ARHGEF18: variants seen among roughly 807,000 people sequenced by gnomAD.
ARHGEF18 encodes rho guanine nucleotide exchange factor 18.
In ARHGEF18, 93 loss-of-function variants were observed where a neutral mutation model predicts 155.7. That is an observed-to-expected ratio of 0.60 (90% confidence interval 0.50 to 0.71). ARHGEF18 has a LOEUF of 0.71. Among genes scored for constraint, ARHGEF18 ranks in the 30% least tolerant of loss-of-function variants. The probability of loss-of-function intolerance (pLI) is 0.00; values close to 1 mark genes in which losing one functional copy is unlikely to be tolerated. For missense variants in ARHGEF18, 1,593 were observed against 1,816.1 expected (o/e 0.88, Z 2.23); for synonymous variants, 742 against 753.1 (o/e 0.99, Z 0.24).
At chr19:7,377,901 A>G (rs973465910) in intron 5 of ARHGEF18, among the ~76,000 whole-genome samples, 2 of 152,096 alleles carry the variant, frequency 1.3e-5, no homozygotes, top group African/African-American at 4.8e-5. Flanking sequence ...CCTGGCCAAC[A>G]TGGTGAAACC....
At chr19:7,478,447 C>T in the ARHGEF18 span, 20 of 1,487,066 alleles carry the variant, frequency 1.3e-5, no homozygotes, top group East Asian at 1.4e-4. Context: ...ACGCTGGCCC[C>T]GGACATACAG....
In ARHGEF18 at chr19:7,362,062, A is replaced by G. The variant is rs868095633; in HGVS notation, c.-110-719A>G. On this transcript the variant is annotated intron_variant, in intron 1 of 28. Coordinates refer to ENST00000668164, the MANE Select transcript of ARHGEF18 (RefSeq NM_001367823.1). ...GAAGGAGAAGGAGAAGGAGAAGGAG[A>G]AGGAGAAGGAGAAGGAGAAGGAGAA... Among the ~76,000 whole-genome samples, 63 of 33,746 alleles carry G rather than the reference A, an allele frequency of 1.9e-3. 2 individuals are homozygous for G. In the East Asian group the frequency reaches 0.019, roughly 10 times the overall value. 22.1% of individuals were successfully genotyped at this position (33,746 alleles called of 152,430 possible). A position where few individuals can be genotyped will look rare whatever the true frequency, so the allele number is the denominator to read the frequency against.
At chr19:7,424,088 G>A (rs1344948787) in intron 10 of ARHGEF18, among the ~76,000 whole-genome samples, 1 of 152,040 alleles carries the variant, frequency 6.6e-6, no homozygotes, top group Non-Finnish European at 1.5e-5. Flanking sequence ...GTGCAATGGC[G>A]TGATCTCGGC....
Position 7,437,792 on chromosome 19 carries a change from C to T in ARHGEF18, c.968-2552C>T, listed in dbSNP as rs571229913. ...CCGAGTAGCTGGGATTACAGGTGCC[C>T]GCCACCATGCCCAGCTAATTTTGTA... On this transcript the variant is annotated intron_variant, in intron 10 of 28. Transcript: ENST00000668164. Among the ~76,000 whole-genome samples, 1,248 of 150,916 alleles carry T rather than the reference C, an allele frequency of 8.3e-3. 22 individuals carry two copies. Among genetic ancestry groups the T allele is most frequent in the African/African-American group, 0.029 (1,203 of 41,126 alleles).
intron 15 of ARHGEF18, 96 bp from the exon 16 acceptor site, chr19:7,451,053 A>G (rs1600492205): frequency 8.9e-7 from 1 of 1,124,656 alleles, no homozygotes; most frequent in East Asian, 2.4e-5. Flanking sequence ...CGAGATGTTA[A>G]TGCGGGATCT....
chr19:7,467,669 C>T lies in ARHGEF18; in HGVS notation c.3465C>T (p.Pro1155=), dbSNP rs1272502220. Residue 1155 remains proline (P), a synonymous_variant, in exon 26 of 29, where the codon CCC becomes CCT. Transcript: ENST00000668164. The part of the protein sequence containing the change: ...KQNTAPGALP[P]DTLAEAQPPS... ...ACACCGCGCCAGGCGCGCTGCCGCC[C>T]GACACACTGGCCGAGGTGAGCGCGC... 8.0e-6 allele frequency: 12 copies of T among 1,508,802 alleles called. No homozygotes were observed. Among genetic ancestry groups the T allele is most frequent in the East Asian group, 5.2e-5 (2 of 38,542 alleles). 93.5% of individuals were successfully genotyped at this position (1,508,802 alleles called of 1,614,324 possible).
At chr19:7,460,437 G>A (rs912676830) in intron 20 of ARHGEF18, among the ~76,000 whole-genome samples, 2 of 152,048 alleles carry the variant, frequency 1.3e-5, no homozygotes, top group South Asian at 2.1e-4. Flanking sequence ...CCTCCCAAGC[G>A]TGGGGTTCAG....
rs1600531820 is a variant in ARHGEF18 at position 7,462,483 on chromosome 19, A to C, written c.2635+149A>C. 1.0e-6 allele frequency: 1 copy of C among 993,992 alleles called. No individual in the cohort carries two copies. Among genetic ancestry groups the C allele is most frequent in the Non-Finnish European group, 1.4e-6 (1 of 702,784 alleles). The allele number at this position is 993,992 out of a possible 1,614,324, so 61.6% of individuals were successfully genotyped here. A position where few individuals can be genotyped will look rare whatever the true frequency, so the allele number is the denominator to read the frequency against. On this transcript the variant is annotated intron_variant, in intron 21 of 28. Coordinates refer to ENST00000668164, the MANE Select transcript of ARHGEF18 (RefSeq NM_001367823.1). This position sits in a 1 kb window ranked among gnomAD's most constrained non-coding sequence, Gnocchi z 4.4. ...TGGGGGGGGCCCAGGAGCAGCACTG[A>C]CCGCCCCCCGGTGCCTGTGAGAGCC... is the stretch of plus-strand genomic sequence containing the variant.
At chr19:7,375,141 A>T (rs1398420851) in intron 3 of ARHGEF18, among the ~76,000 whole-genome samples, 2 of 151,890 alleles carry the variant, frequency 1.3e-5, no homozygotes. Flanking sequence ...GCATGGTGGC[A>T]CGTGCCTGTA....
chr19:7,412,102 C>T (rs553242206), intron 10 of ARHGEF18, among the ~76,000 whole-genome samples: 2 of 150,676 alleles, frequency 1.3e-5, no homozygotes, highest in East Asian at 4.0e-4. Context: ...GTGGCGTGAT[C>T]TTGGCTCACT....
chr19:7,404,908 G>C (rs1438289921), intron 10 of ARHGEF18, among the ~76,000 whole-genome samples: 1 of 152,046 alleles, frequency 6.6e-6, no homozygotes, highest in African/African-American at 2.4e-5. Flanking sequence ...AGGATGCAAA[G>C]TGTTACCAAA....
chr19:7,385,258 AGC>A (rs1408855841), intron 10 of ARHGEF18, among the ~76,000 whole-genome samples: 31 of 152,100 alleles, frequency 2.0e-4, no homozygotes, highest in African/African-American at 7.2e-4. Flanking sequence ...CTCCAGGCTG[AGC>A]TGAACCATGC....
At chr19:7,435,199 C>CAA (rs572479060) in intron 10 of ARHGEF18, among the ~76,000 whole-genome samples, 5 of 143,434 alleles carry the variant, frequency 3.5e-5, no homozygotes, top group South Asian at 2.2e-4. Flanking sequence ...GACTCCATCT[C>CAA]AAAAAAAAAA....
intron 7 of ARHGEF18, 27 bp downstream of exon 7, chr19:7,379,193 GGGGAGCAAAGT>G (rs1166019439): frequency 8.1e-7 from 1 of 1,232,042 alleles, no homozygotes; most frequent in Non-Finnish European, 1.0e-6. Context: ...ACAGGCTTGA[GGGGAGCAAAGT>G]GGGAGACAAA....
chr19:7,424,535 CTA>C (rs1161294518), intron 10 of ARHGEF18, among the ~76,000 whole-genome samples: 1 of 152,170 alleles, frequency 6.6e-6, no homozygotes, highest in Non-Finnish European at 1.5e-5. Context: ...CTTACAAAGT[CTA>C]TAGCAACGTG....
intron 10 of ARHGEF18, among the ~76,000 whole-genome samples, chr19:7,417,804 A>C (rs547166964): frequency 9.9e-5 from 15 of 152,268 alleles, no homozygotes; most frequent in East Asian, 7.7e-4. Context: ...GGGTGGAGCC[A>C]GGTGGCCCAG....
intron 20 of ARHGEF18, among the ~76,000 whole-genome samples, chr19:7,460,541 G>T (rs1976157513): frequency 6.7e-6 from 1 of 148,918 alleles, no homozygotes; most frequent in Non-Finnish European, 1.5e-5. Flanking sequence ...CCCCTTAACA[G>T]TCACTCCCCA....
intron 10 of ARHGEF18, among the ~76,000 whole-genome samples, chr19:7,404,888 G>A (rs945859670): frequency 7.9e-5 from 12 of 152,102 alleles, no homozygotes; most frequent in African/African-American, 2.9e-4. Flanking sequence ...ATGGGCACAC[G>A]TACAATAATA....
chr19:7,355,328 G>A (rs142166543), intron 1 of ARHGEF18, among the ~76,000 whole-genome samples: 178 of 151,972 alleles, frequency 1.2e-3, no homozygotes, highest in African/African-American at 4.0e-3. Flanking sequence ...CAGGCTCCCC[G>A]AGGGACCCAG....
Sources: allele counts gnomAD v4.1 joint callset (sites outside exome capture counted in the v4.1 genomes callset), GRCh38; gene constraint gnomAD v4.1.1; non-coding constraint Gnocchi (gnomAD v3.1); transcripts MANE v1.5; gene names NCBI Gene and HGNC (gene_info 2026-07-23, HGNC 2026-07-21).